The following EIF3E variants were observed in gnomAD, a reference collection of about 807,000 sequenced individuals.
The protein encoded by EIF3E is eIF-3 p48.
In EIF3E, 25 loss-of-function variants were observed where a neutral mutation model predicts 59.3. The observed-to-expected ratio is 0.42, with a 90% CI of 0.31 to 0.59. The LOEUF is 0.59. EIF3E is among the 20% of genes least tolerant of loss of function. The pLI is 0.15. For synonymous variants in EIF3E, 176 were observed against 170.2 expected (o/e 1.03, Z -0.26); for missense variants, 317 against 534.3 (o/e 0.59, Z 4.01).
chr8:108,219,781 C>T (rs1815371694), intron 7 of EIF3E, among the ~76,000 whole-genome samples: 1 of 151,754 alleles, frequency 6.6e-6, no homozygotes, highest in South Asian at 2.1e-4. Flanking sequence ...TGCAATAAGC[C>T]GTTACTGCAC....
intron 10 of EIF3E, among the ~76,000 whole-genome samples, chr8:108,203,885 C>A (rs1284983351): frequency 1.3e-5 from 2 of 152,050 alleles, no homozygotes; most frequent in African/African-American, 4.8e-5. Context: ...ACAGGTTCCA[C>A]ATCCTCAGAT....
In EIF3E at chr8:108,219,208, T is replaced by C. The variant is rs550102430; in HGVS notation, c.723-1748A>G. On this transcript the variant is annotated intron_variant, in intron 7 of 12. Coordinates refer to ENST00000220849, the MANE Select transcript of EIF3E (RefSeq NM_001568.3). ...TTCAACTCATAGTTATTTTTACTTATCCTGAGTTTATACCATTGCTCCATA... is the reference window on the plus strand; with the variant it reads ...TTCAACTCATAGTTATTTTTACTTACCCTGAGTTTATACCATTGCTCCATA... 4.3e-4 allele frequency among the ~76,000 whole-genome samples: 65 copies of C among 152,366 alleles called. No homozygotes were observed. In the South Asian group the frequency reaches 0.011, roughly 27 times the overall value.
chr8:108,237,859 T>C (rs1815763472), intron 3 of EIF3E, among the ~76,000 whole-genome samples: 1 of 152,196 alleles, frequency 6.6e-6, no homozygotes, highest in Admixed American at 6.5e-5. Flanking sequence ...GTAAGTACGA[T>C]ACTATATATT....
chr8:108,210,042 CTTTTTT>C (rs34870098), intron 10 of EIF3E, among the ~76,000 whole-genome samples: 1 of 145,868 alleles, frequency 6.9e-6, no homozygotes, highest in Non-Finnish European at 1.5e-5. Context: ...AACAGTTTAA[CTTTTTT>C]TTTTTTTTTA....
At chr8:108,242,827 T>C (rs1055035999) in intron 1 of EIF3E, 14 of 248,282 alleles carry the variant, frequency 5.6e-5, no homozygotes, top group Non-Finnish European at 7.1e-5. Flanking sequence ...AGGAAATGCA[T>C]ACTAAAAATT....
intron 7 of EIF3E, among the ~76,000 whole-genome samples, chr8:108,218,599 C>A (rs1323629628): frequency 1.3e-5 from 2 of 152,076 alleles, no homozygotes; most frequent in African/African-American, 2.4e-5. Context: ...ACCAAAAACA[C>A]ACTGGCTAAA....
Position 108,201,840 on chromosome 8 carries a change from ATCTT to A in EIF3E, c.*41_*44del. 1 of 1,419,146 alleles carries A rather than the reference ATCTT, an allele frequency of 7.0e-7. No individual in the cohort carries two copies. The highest frequency in any genetic ancestry group is 9.3e-7 in the Non-Finnish European group (1 of 1,074,734). 87.9% of individuals were successfully genotyped at this position (1,419,146 alleles called of 1,614,324 possible). A position where few individuals can be genotyped will look rare whatever the true frequency, so the allele number is the denominator to read the frequency against. On this transcript the variant is annotated 3_prime_UTR_variant, in exon 13 of 13. Transcript: ENST00000220849. Reference sequence around the variant, plus strand: ...CTTTATATAATAGTTTTATTATTTCATCTTTCTTTGATAGTTTTTTTTTTCATCT... The same window carrying A: ...CTTTATATAATAGTTTTATTATTTCATCTTTGATAGTTTTTTTTTTCATCT...
Position 108,201,683 on chromosome 8 carries a change from T to C in EIF3E, c.*202A>G, listed in dbSNP as rs536683501. 7 of 465,228 alleles carry C rather than the reference T, an allele frequency of 1.5e-5. No homozygotes were observed. In the South Asian group the frequency reaches 3.5e-4, roughly 23 times the overall value. 28.8% of individuals were successfully genotyped at this position (465,228 alleles called of 1,614,324 possible). A position where few individuals can be genotyped will look rare whatever the true frequency, so the allele number is the denominator to read the frequency against. On this transcript the variant is annotated 3_prime_UTR_variant, in exon 13 of 13. Transcript: ENST00000220849. ...TTGCAAATTCCTCTGAATATAATTA[T>C]TCCAAAAAAGAAAGTTAAAAAAACA...
chr8:108,243,385 T>G (rs1586212400), intron 1 of EIF3E: 1 of 152,156 alleles, frequency 6.6e-6, no homozygotes, highest in East Asian at 1.9e-4. Flanking sequence ...ATCCCAGCAC[T>G]TTGGGAGGCC....
At chr8:108,213,333 A>T (rs1815245009) in intron 10 of EIF3E, among the ~76,000 whole-genome samples, 1 of 152,180 alleles carries the variant, frequency 6.6e-6, no homozygotes, top group Non-Finnish European at 1.5e-5. Context: ...TAACAGAAGA[A>T]ATTTACTTAA....
chr8:108,233,811 C>G (rs1157838282), intron 5 of EIF3E: 1 of 134,816 alleles, frequency 7.4e-6, no homozygotes, highest in Non-Finnish European at 1.5e-5. Flanking sequence ...TGCACTCTTA[C>G]CTGGGTGAGA....
At chr8:108,211,188 G>C (rs1247684600) in intron 10 of EIF3E, among the ~76,000 whole-genome samples, 3 of 152,254 alleles carry the variant, frequency 2.0e-5, no homozygotes, top group Non-Finnish European at 4.4e-5. Flanking sequence ...TTCCACAATG[G>C]TTGAACTAGT....
chr8:108,242,438 C>A, intron 1 of EIF3E: 1 of 1,288,740 alleles, frequency 7.8e-7, no homozygotes. Flanking sequence ...GTACAGGGAG[C>A]AAATAGATAC....
intron 5 of EIF3E, 169 bp from the exon 6 acceptor site, chr8:108,229,364 C>A (rs1815579312): frequency 1.7e-6 from 1 of 582,612 alleles, no homozygotes. Flanking sequence ...TTTCAAAAAA[C>A]CTTTGCTAAA....
At chr8:108,221,764 A>T (rs983543607) in intron 7 of EIF3E, among the ~76,000 whole-genome samples, 11 of 151,260 alleles carry the variant, frequency 7.3e-5, no homozygotes, top group African/African-American at 2.4e-4. Flanking sequence ...AACTACTTAG[A>T]TCTACCATTA....
chr8:108,208,301 C>T (rs1018329942), intron 10 of EIF3E, among the ~76,000 whole-genome samples: 2 of 152,060 alleles, frequency 1.3e-5, no homozygotes, highest in African/African-American at 4.8e-5. Flanking sequence ...GATATAGAAA[C>T]CTCTGGTCTA....
chr8:108,231,123 T>C (rs199917627), intron 5 of EIF3E, among the ~76,000 whole-genome samples: 81 of 152,254 alleles, frequency 5.3e-4, no homozygotes, highest in Middle Eastern at 3.4e-3. Context: ...TCAAAATTCA[T>C]TGAAAATTTA....
At chr8:108,226,887 C>A (rs1207133839) in intron 7 of EIF3E, among the ~76,000 whole-genome samples, 1 of 152,166 alleles carries the variant, frequency 6.6e-6, no homozygotes, top group East Asian at 1.9e-4. Context: ...AGGATATCAG[C>A]CAAGTATATA....
intron 10 of EIF3E, among the ~76,000 whole-genome samples, chr8:108,205,780 C>A (rs975829930): frequency 9.3e-6 from 1 of 107,816 alleles, no homozygotes; most frequent in Non-Finnish European, 1.9e-5. Flanking sequence ...TTCAAGGAAC[C>A]ATTTTTTACT....
Sources: gnomAD v4.1 joint callset for allele counts (sites outside exome capture counted in the v4.1 genomes callset) on GRCh38, gnomAD v4.1.1 for gene constraint, MANE v1.5 for transcripts, NCBI Gene and HGNC (gene_info 2026-07-23, HGNC 2026-07-21) for gene names.